AGMO: variants seen among roughly 807,000 people sequenced by gnomAD.
AGMO encodes alkylglycerol monooxygenase.
Under a neutral mutation model 60.2 loss-of-function variants are expected in AGMO, and 75 were observed. The observed-to-expected ratio is 1.25, with a 90% confidence interval of 1.03 to 1.51. AGMO has a LOEUF of 1.51. Among genes scored for constraint, AGMO ranks in the 40% most tolerant of loss-of-function variants. The pLI is 0.00. For missense variants in AGMO, 763 were observed against 525.5 expected (o/e 1.45, Z -4.42); for synonymous variants, 261 against 177.1 (o/e 1.47, Z -3.76).
intron 12 of AGMO, among the ~76,000 whole-genome samples, chr7:15,293,396 G>A (rs774081242): frequency 2.0e-5 from 3 of 152,026 alleles, no homozygotes; most frequent in Non-Finnish European, 4.4e-5. Context: ...TAAACCGGGC[G>A]GGTTAGGTAA....
intron 10 of AGMO, among the ~76,000 whole-genome samples, chr7:15,371,099 T>A (rs147612369): frequency 0.011 from 1,599 of 152,280 alleles, 37 homozygotes; most frequent in African/African-American, 0.037. Flanking sequence ...CCTTTCACCA[T>A]ATATAAAAAT....
intron 3 of AGMO, among the ~76,000 whole-genome samples, chr7:15,521,241 G>T (rs901220020): frequency 6.6e-6 from 1 of 152,124 alleles, no homozygotes. Context: ...GGACCAGATG[G>T]ATTCACAGCC....
the AGMO span, among the ~76,000 whole-genome samples, chr7:15,140,086 A>G: frequency 6.6e-6 from 1 of 151,166 alleles, no homozygotes; most frequent in Admixed American, 6.6e-5. Context: ...TAAAATATAA[A>G]TTATAAAAAT....
intron 3 of AGMO, among the ~76,000 whole-genome samples, chr7:15,533,156 C>G (rs1784410106): frequency 6.6e-6 from 1 of 152,104 alleles, no homozygotes; most frequent in African/African-American, 2.4e-5. Context: ...TCTTTAGAGT[C>G]ACTAAAAAGA....
At chr7:15,197,194 T>C (rs540655077), downstream of AGMO, among the ~76,000 whole-genome samples, 8 of 152,252 alleles carry the variant, frequency 5.3e-5, no homozygotes, top group Middle Eastern at 6.8e-3. Flanking sequence ...CTTGGGTTTC[T>C]GGAGTCTATG....
intron 12 of AGMO, among the ~76,000 whole-genome samples, chr7:15,359,274 G>T (rs1250400300): frequency 2.9e-5 from 4 of 136,942 alleles, no homozygotes; most frequent in Non-Finnish European, 6.1e-5. Context: ...CAGCAACAGA[G>T]CAAGACTCCG....
intron 8 of AGMO, among the ~76,000 whole-genome samples, chr7:15,389,154 C>T (rs781612156): frequency 6.6e-6 from 1 of 152,202 alleles, no homozygotes; most frequent in Non-Finnish European, 1.5e-5. Flanking sequence ...CAACTGGCAG[C>T]ACTGGCATCA....
rs10226345 is a variant in AGMO at position 15,305,213 on chromosome 7, C to T, written c.1263+60301G>A. Among the ~76,000 whole-genome samples, 1,198 of 136,270 alleles carry T rather than the reference C, an allele frequency of 8.8e-3. 10 individuals carry two copies. The highest frequency in any genetic ancestry group is 0.032 in the African/African-American group (1,135 of 35,928). 89.4% of individuals were successfully genotyped at this position (136,270 alleles called of 152,430 possible). A position where few individuals can be genotyped will look rare whatever the true frequency, so the allele number is the denominator to read the frequency against. Reference sequence around the variant, plus strand: ...ACCAGAGGGCAGGCAGGGGCAAGGACAAGGCAACCTTGTCAGGCAATCTGG... The same window carrying T: ...ACCAGAGGGCAGGCAGGGGCAAGGATAAGGCAACCTTGTCAGGCAATCTGG... On this transcript the variant is annotated intron_variant, in intron 12 of 12. Transcript: ENST00000342526.
chr7:15,411,579 T>C (rs1283658850), intron 5 of AGMO, among the ~76,000 whole-genome samples: 4 of 152,064 alleles, frequency 2.6e-5, no homozygotes, highest in African/African-American at 9.7e-5. Flanking sequence ...AAAGTTTTTA[T>C]AATCATAGTA....
At chr7:15,371,115 C>G (rs1255770416) in intron 10 of AGMO, among the ~76,000 whole-genome samples, 1 of 152,002 alleles carries the variant, frequency 6.6e-6, no homozygotes, top group Non-Finnish European at 1.5e-5. Flanking sequence ...AAAATTAACT[C>G]AAGATTGATT....
intron 12 of AGMO, among the ~76,000 whole-genome samples, chr7:15,300,595 T>C (rs531652691): frequency 6.6e-6 from 1 of 152,216 alleles, no homozygotes; most frequent in South Asian, 2.1e-4. Flanking sequence ...AAAGCAGCAA[T>C]TTTTCTTCTT....
intron 3 of AGMO, among the ~76,000 whole-genome samples, chr7:15,544,191 A>G (rs943461586): frequency 6.6e-6 from 1 of 150,922 alleles, no homozygotes; most frequent in African/African-American, 2.4e-5. Context: ...AGGCATAAGA[A>G]TGATACATTG....
At chr7:15,312,937 G>C (rs1444926085) in intron 12 of AGMO, among the ~76,000 whole-genome samples, 2 of 152,064 alleles carry the variant, frequency 1.3e-5, no homozygotes, top group African/African-American at 4.8e-5. Context: ...CCAAAGTGCT[G>C]GGATTACAGA....
At chr7:15,399,472 C>G (rs1437312242) in intron 5 of AGMO, among the ~76,000 whole-genome samples, 6 of 152,148 alleles carry the variant, frequency 3.9e-5, no homozygotes, top group African/African-American at 1.4e-4. Context: ...TTCACAGAAA[C>G]TTAAAACATT....
chr7:15,211,121 AT>A (rs1781576477), intron 12 of AGMO, among the ~76,000 whole-genome samples: 1 of 151,974 alleles, frequency 6.6e-6, no homozygotes, highest in African/African-American at 2.4e-5. Flanking sequence ...AACACAAACT[AT>A]TTTGCCTCAA....
At chr7:15,430,614 A>C (rs201435825) in intron 4 of AGMO, among the ~76,000 whole-genome samples, 1 of 118,990 alleles carries the variant, frequency 8.4e-6, no homozygotes, top group East Asian at 2.1e-4. Flanking sequence ...AAAAAAAAAA[A>C]ACAACTGGTT....
intron 12 of AGMO, among the ~76,000 whole-genome samples, chr7:15,323,832 C>G (rs1781255667): frequency 6.6e-6 from 1 of 152,138 alleles, no homozygotes; most frequent in Admixed American, 6.6e-5. Flanking sequence ...ATTATCAAAA[C>G]AGACACGAGA....
At chr7:15,193,532 T>A in the AGMO span, among the ~76,000 whole-genome samples, 8 of 152,156 alleles carry the variant, frequency 5.3e-5, no homozygotes, top group African/African-American at 1.9e-4. Flanking sequence ...CAGAGTTAAA[T>A]CTCACTTGAA....
chr7:15,265,475 A>C lies in AGMO; in HGVS notation c.1264-64116T>G, dbSNP rs530817580. Among the ~76,000 whole-genome samples the C allele has an allele frequency of 1.3e-3, 202 of 152,156 alleles. 1 individual carries two copies. The highest frequency in any genetic ancestry group is 4.6e-3 in the African/African-American group (193 of 41,540). On this transcript the variant is annotated intron_variant, in intron 12 of 12. Coordinates refer to ENST00000342526, the MANE Select transcript of AGMO (RefSeq NM_001004320.2). ...AAAGAAAAAAGAACAGAATAGACCA[A>C]AGACTGATTACAATGTTTATATTAT...
Sources: gnomAD v4.1 joint callset for allele counts (sites outside exome capture counted in the v4.1 genomes callset) on GRCh38, gnomAD v4.1.1 for gene constraint, MANE v1.5 for transcripts, NCBI Gene and HGNC (gene_info 2026-07-23, HGNC 2026-07-21) for gene names.